The following HDAC2 variants were observed in gnomAD, a reference collection of about 807,000 sequenced individuals.
The protein encoded by HDAC2 is histone deacetylase 2, also known as YY1-associated factor 1.
In HDAC2, 5 loss-of-function variants were observed where a neutral mutation model predicts 68.5. The ratio of observed to expected loss-of-function variants is 0.07; its 90% confidence interval spans 0.04 to 0.15. The LOEUF is 0.15. Among genes scored for constraint, HDAC2 ranks in the 10% least tolerant of loss-of-function variants. HDAC2 has a pLI of 1.00. For synonymous variants in HDAC2, 182 were observed against 191.3 expected, an observed-to-expected ratio of 0.95 and a Z score of 0.40; for missense variants, 291 against 600.8, an observed-to-expected ratio of 0.48 and a Z score of 5.39.
At chr6:113,950,420 G>C (rs558036690) in intron 6 of HDAC2, among the ~76,000 whole-genome samples, 1 of 151,066 alleles carries the variant, frequency 6.6e-6, no homozygotes, top group Non-Finnish European at 1.5e-5. Flanking sequence ...CTGCTCTGTC[G>C]CCCAGGATGG....
intron 2 of HDAC2, 93 bp from the exon 3 acceptor site, chr6:113,958,859 C>G: frequency 1.3e-6 from 1 of 780,510 alleles, no homozygotes; most frequent in Admixed American, 2.2e-5. Flanking sequence ...TCGGTCCCCT[C>G]AAAAGAACCA....
intron 1 of HDAC2, among the ~76,000 whole-genome samples, chr6:113,967,188 GC>G (rs1370526987): frequency 7.2e-5 from 11 of 152,054 alleles, no homozygotes; most frequent in Non-Finnish European, 1.5e-4. Context: ...GTTGCCCATG[GC>G]ACTATCTTGG....
At chr6:113,952,643 T>C (rs901753693) in intron 6 of HDAC2, among the ~76,000 whole-genome samples, 1 of 152,082 alleles carries the variant, frequency 6.6e-6, no homozygotes. Flanking sequence ...TCAAAAAAAG[T>C]GTAGTGAGGC....
intron 9 of HDAC2, 136 bp downstream of exon 9, chr6:113,945,872 A>T: frequency 1.4e-6 from 1 of 715,976 alleles, no homozygotes; most frequent in Non-Finnish European, 2.4e-6. Flanking sequence ...TTGGTAGGTT[A>T]AGTGTATTAT....
chr6:113,939,951 AT>A lies in HDAC2; in HGVS notation c.*1106del, dbSNP rs1776093581. On this transcript the variant is annotated 3_prime_UTR_variant, in exon 14 of 14. Transcript: ENST00000519065. The stretch of plus-strand genomic sequence containing the variant: ...CTGAATTATCTTCTGGCATTCTGTA[AT>A]TTTTAATCTCAAAAGAATCAATGTG... 1 of 152,144 alleles carries A rather than the reference AT, an allele frequency of 6.6e-6. No homozygotes were observed. The highest frequency in any genetic ancestry group is 6.5e-5 in the Admixed American group (1 of 15,268). The allele number at this position is 152,144 out of a possible 1,614,324, so 9.4% of individuals were successfully genotyped here. A position where few individuals can be genotyped will look rare whatever the true frequency, so the allele number is the denominator to read the frequency against.
At chr6:113,942,187 G>C (rs961891633) in intron 12 of HDAC2, among the ~76,000 whole-genome samples, 2 of 151,926 alleles carry the variant, frequency 1.3e-5, no homozygotes, top group Non-Finnish European at 2.9e-5. Context: ...AGAAAACATA[G>C]TGAAAATGAA....
chr6:113,938,646 T>C lies in HDAC2; in HGVS notation c.*2412A>G, dbSNP rs1490610559. 2.0e-5 allele frequency: 3 copies of C among 152,202 alleles called. No individual in the cohort carries two copies. Among genetic ancestry groups the C allele is most frequent in the African/African-American group, 4.8e-5 (2 of 41,442 alleles). The allele number at this position is 152,202 out of a possible 1,614,324, so 9.4% of individuals were successfully genotyped here. A position where few individuals can be genotyped will look rare whatever the true frequency, so the allele number is the denominator to read the frequency against. ...CTTTCCTTGCCAATTTCAAATATCA[T>C]TTTTATCCTATATGAATTTTTTAAA... is the stretch of plus-strand genomic sequence containing the variant. On this transcript the variant is annotated 3_prime_UTR_variant, in exon 14 of 14. Transcript: ENST00000519065.
At position 113,933,156 on chromosome 6, in the gene HDAC2, C is replaced by T. The variant is rs1775931254; in HGVS notation, c.*7902G>A. The T allele has an allele frequency of 1.3e-5, 2 of 152,172 alleles. No homozygotes were observed. The highest frequency in any genetic ancestry group is 4.8e-5 in the African/African-American group (2 of 41,420). 9.4% of individuals were successfully genotyped at this position (152,172 alleles called of 1,614,324 possible). A position where few individuals can be genotyped will look rare whatever the true frequency, so the allele number is the denominator to read the frequency against. ...ACATCAAAACTTTGCAGTTTGCTTT[C>T]AAAATGATGCTCATGTTCTCATTCA... On this transcript the variant is annotated 3_prime_UTR_variant, in exon 14 of 14. Transcript: ENST00000519065.
rs1776019978 is a variant in HDAC2 at position 113,937,175 on chromosome 6, T to C, written c.*3883A>G. 6.6e-6 allele frequency: 1 copy of C among 152,184 alleles called. No homozygotes were observed. The highest frequency in any genetic ancestry group is 1.5e-5 in the Non-Finnish European group (1 of 68,036). 9.4% of individuals were successfully genotyped at this position (152,184 alleles called of 1,614,324 possible). A position where few individuals can be genotyped will look rare whatever the true frequency, so the allele number is the denominator to read the frequency against. On this transcript the variant is annotated 3_prime_UTR_variant, in exon 14 of 14. Coordinates refer to ENST00000519065, the MANE Select transcript of HDAC2 (RefSeq NM_001527.4). ...TGGTGGAGATCCTAAGCTATTGAAA[T>C]GATTACTACTTGTTTTCAAAAGCCC... is the stretch of plus-strand genomic sequence containing the variant.
At chr6:113,958,175 C>T (rs1303338846) in intron 3 of HDAC2, among the ~76,000 whole-genome samples, 2 of 152,186 alleles carry the variant, frequency 1.3e-5, no homozygotes, top group Non-Finnish European at 2.9e-5. Context: ...AAATAAAATA[C>T]TTTTAACCTG....
intron 1 of HDAC2, among the ~76,000 whole-genome samples, chr6:113,965,879 ATTTGAATTCTTCCAAG>A: frequency 6.6e-6 from 1 of 152,214 alleles, no homozygotes; most frequent in East Asian, 1.9e-4. Context: ...CTTAGACTTG[ATTTGAATTCTTCCAAG>A]TTTGAATTTA....
chr6:113,956,746 C>T (rs1244840540), intron 3 of HDAC2, 53 bp from the exon 4 acceptor site: 3 of 1,295,746 alleles, frequency 2.3e-6, no homozygotes, highest in Non-Finnish European at 3.4e-6. Context: ...TTAATGAAAG[C>T]CTTTTCTTAC....
rs1776329876 is a variant in HDAC2, at chr6:113,948,850, C to T, written c.841+129G>A. 4 of 912,606 alleles carry T rather than the reference C, an allele frequency of 4.4e-6. No homozygotes were observed. In the South Asian group the frequency reaches 7.6e-5, roughly 17 times the overall value. 56.5% of individuals were successfully genotyped at this position (912,606 alleles called of 1,614,324 possible). On this transcript the variant is annotated intron_variant, in intron 8 of 13. Coordinates refer to ENST00000519065, the MANE Select transcript of HDAC2 (RefSeq NM_001527.4). ...CTAGTCATACATACAACAGACAAAACCCCATGAAAAATGCAGAGTACAGTG... is the reference window on the plus strand; with the variant it reads ...CTAGTCATACATACAACAGACAAAATCCCATGAAAAATGCAGAGTACAGTG...
intron 1 of HDAC2, among the ~76,000 whole-genome samples, chr6:113,963,417 T>C (rs541244555): frequency 4.4e-4 from 67 of 152,216 alleles, no homozygotes; most frequent in African/African-American, 1.5e-3. Context: ...GGCTAAGAAG[T>C]TTTAAGACCC....
At chr6:113,970,786 C>T in intron 1 of HDAC2, 71 bp downstream of exon 1, 1 of 1,444,248 alleles carries the variant, frequency 6.9e-7, no homozygotes, top group Non-Finnish European at 9.0e-7. Context: ...CCGGCGCCCA[C>T]TCGCGACGGC....
At chr6:113,946,922 A>G (rs1050412496) in intron 8 of HDAC2, 6 of 152,134 alleles carry the variant, frequency 3.9e-5, no homozygotes, top group African/African-American at 1.2e-4. Context: ...TGAAAAAACT[A>G]ACCACCTAAA....
At position 113,953,436 on chromosome 6, in the gene HDAC2, A is replaced by G; in HGVS notation, c.498-18T>C. The stretch of plus-strand genomic sequence containing the variant: ...GATGATACCTGAAAACAAATCCATA[A>G]GTTTTGGTTTTTCCTTTAAAGGTTC... On this transcript the variant is annotated intron_variant, in intron 5 of 13. Transcript: ENST00000519065. 2 of 1,521,034 alleles carry G rather than the reference A, an allele frequency of 1.3e-6. No homozygotes were observed. The highest frequency in any genetic ancestry group is 1.8e-4 in the Middle Eastern group (1 of 5,648). 94.2% of individuals were successfully genotyped at this position (1,521,034 alleles called of 1,614,324 possible). A position where few individuals can be genotyped will look rare whatever the true frequency, so the allele number is the denominator to read the frequency against.
chr6:113,958,818 GTA>G (rs537473229), intron 2 of HDAC2, 52 bp from the exon 3 acceptor site: 5 of 1,014,480 alleles, frequency 4.9e-6, no homozygotes, highest in Non-Finnish European at 6.2e-6. Context: ...GGTTATATCA[GTA>G]TTATCAAACA....
At chr6:113,948,954 A>T in intron 8 of HDAC2, 25 bp downstream of exon 8, 4 of 1,601,446 alleles carry the variant, frequency 2.5e-6, no homozygotes, top group Non-Finnish European at 3.4e-6. Flanking sequence ...TTTTTTCTGG[A>T]AATACCACCC....
Sources: gnomAD v4.1 joint callset for allele counts (sites outside exome capture counted in the v4.1 genomes callset) on GRCh38, gnomAD v4.1.1 for gene constraint, MANE v1.5 for transcripts, NCBI Gene and HGNC (gene_info 2026-07-23, HGNC 2026-07-21) for gene names.